The following TMEM39B variants were observed in gnomAD, a reference collection of about 807,000 sequenced individuals.
TMEM39B encodes the protein transmembrane protein 39B.
TMEM39B carries 23 observed loss-of-function variants against 52.2 expected under a neutral mutation model. The ratio of observed to expected loss-of-function variants is 0.44; its 90% CI spans 0.32 to 0.62. TMEM39B has a LOEUF of 0.62. Ranked by LOEUF, TMEM39B falls within the 20% of genes least tolerant of loss-of-function variation. TMEM39B has a pLI of 0.06. For missense variants in TMEM39B, 547 were observed against 642.0 expected (o/e 0.85, Z 1.60); for synonymous variants, 285 against 264.0 (o/e 1.08, Z -0.77).
At chr1:32,073,134 C>G (rs2124415437) in intron 1 of TMEM39B, 83 bp downstream of exon 1, 23 of 1,354,256 alleles carry the variant, frequency 1.7e-5, no homozygotes, top group Non-Finnish European at 2.1e-5. Context: ...CTGCTCCACG[C>G]GGACAGGAGC....
In TMEM39B at chr1:32,073,018, C is replaced by A. The variant is rs758245665; in HGVS notation, c.-30C>A. ...GACATATTGCCCGCAGGAGCTGCGG[C>A]GGCGAAGCGGAGAGCACCGGGGGGA... On this transcript the variant is annotated 5_prime_UTR_variant, in exon 1 of 9. Coordinates refer to ENST00000336294, the MANE Select transcript of TMEM39B (RefSeq NM_018056.4). 7 of 1,529,660 alleles carry A rather than the reference C, an allele frequency of 4.6e-6. No homozygotes were observed. The African/African-American group carries it at 5.6e-5, about 12-fold the overall frequency. The allele number at this position is 1,529,660 out of a possible 1,614,324, so 94.8% of individuals were successfully genotyped here.
chr1:32,087,849 T>C (rs563232642), intron 5 of TMEM39B: 2 of 149,036 alleles, frequency 1.3e-5, no homozygotes, highest in East Asian at 2.1e-4. Flanking sequence ...CGGGTTTTAC[T>C]GTGTTAGCCA....
chr1:32,077,187 C>T lies in TMEM39B; in HGVS notation c.459C>T (p.Ser153=). 6.2e-7 allele frequency: 1 copy of T among 1,614,186 alleles called. No individual in the cohort carries two copies. Among genetic ancestry groups the T allele is most frequent in the Non-Finnish European group, 8.5e-7 (1 of 1,180,038 alleles). The change falls in exon 5 of 9, where the codon TCC becomes TCT. Residue 153 remains serine, a synonymous_variant. Transcript: ENST00000336294. ...AGGCCTCTCAGAGGGGGAAGGTCTC[C>T]CTCTTTCGCTCCATCCTGCTGTTCC... The part of the protein sequence containing the change: ...VKEASQRGKV[S]LFRSILLFLT...
intron 6 of TMEM39B, among the ~76,000 whole-genome samples, chr1:32,093,350 CG>C (rs1557436723): frequency 6.8e-6 from 1 of 146,318 alleles, no homozygotes; most frequent in African/African-American, 2.5e-5. Context: ...CCACCCACCT[CG>C]GCCTCCCAAA....
chr1:32,102,646 G>A lies in TMEM39B; in HGVS notation c.1452G>A (p.Gln484=). The change falls in exon 9 of 9, where the codon CAG becomes CAA. Residue 484 remains glutamine, a synonymous_variant. Transcript: ENST00000336294. ...CCTACTCATACTCTGCTAGCCCCCA[G>A]AGAGACCTGGACCACCGTTTCTCCT... ...GKAYSYSASP[Q]RDLDHRFS 2 of 1,597,180 alleles carry A rather than the reference G, an allele frequency of 1.3e-6. No homozygotes were observed. Among genetic ancestry groups the A allele is most frequent in the South Asian group, 1.1e-5 (1 of 88,700 alleles).
At chr1:32,083,628 T>C (rs1353372416) in intron 5 of TMEM39B, among the ~76,000 whole-genome samples, 3 of 151,110 alleles carry the variant, frequency 2.0e-5, no homozygotes, top group Non-Finnish European at 4.4e-5. Context: ...TTCACCGTGT[T>C]AGTCAGGATG....
intron 2 of TMEM39B, 63 bp from the exon 3 acceptor site, chr1:32,075,540 C>T: frequency 6.7e-7 from 1 of 1,495,734 alleles, no homozygotes; most frequent in Non-Finnish European, 9.0e-7. Context: ...TCCTTTGCCT[C>T]AGAAGCCCTT....
chr1:32,099,113 C>A (rs1379767418), intron 7 of TMEM39B, among the ~76,000 whole-genome samples: 1 of 151,706 alleles, frequency 6.6e-6, no homozygotes, highest in African/African-American at 2.4e-5. Flanking sequence ...ATTAGCCGGG[C>A]GTGGTGGCAG....
rs766105827 is a variant in TMEM39B, at chr1:32,102,622, C to T, written c.1428C>T (p.Ala476=). The T allele has an allele frequency of 6.2e-7, 1 of 1,612,312 alleles. No homozygotes were observed. Among genetic ancestry groups the T allele is most frequent in the South Asian group, 1.1e-5 (1 of 90,836 alleles). Residue 476 remains alanine, a synonymous_variant, in exon 9 of 9, where the codon GCC becomes GCT. Coordinates refer to ENST00000336294, the MANE Select transcript of TMEM39B (RefSeq NM_018056.4). ...GGGACCGCTTGGTATTGGGCAAGGCCTACTCATACTCTGCTAGCCCCCAGA... is the reference window on the plus strand; with the variant it reads ...GGGACCGCTTGGTATTGGGCAAGGCTTACTCATACTCTGCTAGCCCCCAGA... ...LLRDRLVLGK[A]YSYSASPQRD... is the part of the protein sequence containing the mutation.
chr1:32,078,539 T>A (rs1639960370), intron 5 of TMEM39B, among the ~76,000 whole-genome samples: 1 of 152,170 alleles, frequency 6.6e-6, no homozygotes, highest in African/African-American at 2.4e-5. Context: ...ACAGAAGCTT[T>A]TAACATGGAA....
intron 1 of TMEM39B, chr1:32,073,378 A>T: frequency 3.1e-5 from 8 of 261,896 alleles, no homozygotes; most frequent in Admixed American, 6.9e-5. Context: ...GATTCTGGGC[A>T]GGGGGCGCTA....
chr1:32,081,384 A>G (rs1483610993), intron 5 of TMEM39B, among the ~76,000 whole-genome samples: 1 of 151,332 alleles, frequency 6.6e-6, no homozygotes, highest in African/African-American at 2.4e-5. Context: ...CCGTCCTCCC[A>G]CTTCAGCCTT....
At chr1:32,101,897 C>T (rs1002386244) in intron 8 of TMEM39B, among the ~76,000 whole-genome samples, 1 of 152,030 alleles carries the variant, frequency 6.6e-6, no homozygotes, top group African/African-American at 2.4e-5. Context: ...GTTGCCATGT[C>T]CCTTGGCAGC....
At chr1:32,075,878 G>T (rs1054795949) in intron 3 of TMEM39B, 56 bp downstream of exon 3, 154 of 1,006,274 alleles carry the variant, frequency 1.5e-4, no homozygotes, top group Admixed American at 7.6e-4. Flanking sequence ...GTGTGTGTAT[G>T]TGTGTGTGTG....
intron 4 of TMEM39B, 65 bp from the exon 5 acceptor site, chr1:32,077,099 A>G: frequency 6.3e-7 from 1 of 1,593,230 alleles, no homozygotes; most frequent in Non-Finnish European, 8.6e-7. Context: ...GCTGGGTGGG[A>G]TTTGGGCACA....
intron 3 of TMEM39B, chr1:32,076,531 A>C: frequency 1.5e-6 from 1 of 673,084 alleles, no homozygotes; most frequent in Non-Finnish European, 2.7e-6. Flanking sequence ...TGAGCAGAGC[A>C]AGAGGGCTCA....
At chr1:32,100,411 G>T in intron 7 of TMEM39B, 31 bp from the exon 8 acceptor site, 1 of 1,535,410 alleles carries the variant, frequency 6.5e-7, no homozygotes. Flanking sequence ...GTGAGCTGGG[G>T]ATAAGGGGCA....
intron 8 of TMEM39B, among the ~76,000 whole-genome samples, chr1:32,101,085 T>C (rs1641002421): frequency 6.6e-6 from 1 of 151,992 alleles, no homozygotes; most frequent in South Asian, 2.1e-4. Flanking sequence ...TTTGAGAACA[T>C]TGGACAGAGG....
At chr1:32,077,022 G>T (rs1257878342) in intron 4 of TMEM39B, 142 bp from the exon 5 acceptor site, 1 of 1,325,332 alleles carries the variant, frequency 7.5e-7, no homozygotes, top group Non-Finnish European at 1.1e-6. Context: ...TCAAAGAGAA[G>T]GATTTACCTT....
Sources: gnomAD v4.1 joint callset for allele counts (sites outside exome capture counted in the v4.1 genomes callset) on GRCh38, gnomAD v4.1.1 for gene constraint, MANE v1.5 for transcripts, NCBI Gene and HGNC (gene_info 2026-07-23, HGNC 2026-07-21) for gene names.